Variants in PRR16 observed in about 807,000 individuals in gnomAD.
PRR16 encodes proline rich 16.
Under a neutral mutation model 18.2 loss-of-function variants are expected in PRR16, and 6 were observed. That is an observed-to-expected ratio of 0.33 (90% CI 0.18 to 0.65). The LOEUF is 0.65. PRR16 is among the 30% of genes least tolerant of loss of function. The pLI is 0.74. For missense variants in PRR16, 412 were observed against 376.6 expected (o/e 1.09, Z -0.78); for synonymous variants, 151 against 147.8 (o/e 1.02, Z -0.16).
At chr5:120,528,488 G>A (rs58916672) in intron 1 of PRR16, among the ~76,000 whole-genome samples, 60,782 of 152,016 alleles carry the variant, frequency 0.4, 13,841 homozygotes, top group African/African-American at 0.62. Context: ...CAGGGAGGCT[G>A]TGGAAAAGGA....
chr5:120,549,119 T>G (rs890284589), intron 1 of PRR16, among the ~76,000 whole-genome samples: 3 of 152,012 alleles, frequency 2.0e-5, no homozygotes, highest in African/African-American at 7.2e-5. Flanking sequence ...ATTGATTGAT[T>G]GATTGAGAGA....
At chr5:120,665,365 T>A in intron 1 of PRR16, among the ~76,000 whole-genome samples, 1 of 152,024 alleles carries the variant, frequency 6.6e-6, no homozygotes, top group East Asian at 1.9e-4. Context: ...TAGCCCTTTG[T>A]CAGATGAGTA....
chr5:120,762,920 T>C, the PRR16 span, among the ~76,000 whole-genome samples: 1 of 152,164 alleles, frequency 6.6e-6, no homozygotes, highest in Non-Finnish European at 1.5e-5. Flanking sequence ...GGTTTAAGTC[T>C]TTCATTCACT....
intron 1 of PRR16, among the ~76,000 whole-genome samples, chr5:120,544,933 C>G (rs1365828294): frequency 6.6e-6 from 1 of 152,104 alleles, no homozygotes; most frequent in African/African-American, 2.4e-5. Flanking sequence ...TCTGAAATAT[C>G]TCACAAGTGA....
intron 1 of PRR16, among the ~76,000 whole-genome samples, chr5:120,487,004 A>G (rs1338766520): frequency 6.6e-5 from 10 of 152,098 alleles, no homozygotes; most frequent in Admixed American, 3.3e-4. Flanking sequence ...CCATTGGTCT[A>G]TATCTCTGTT....
the PRR16 span, among the ~76,000 whole-genome samples, chr5:120,719,704 A>G: frequency 6.6e-6 from 1 of 152,112 alleles, no homozygotes; most frequent in South Asian, 2.1e-4. Flanking sequence ...AAAAACTTTA[A>G]TTTAAATTTT....
chr5:120,639,637 A>AT (rs750551920), intron 1 of PRR16, among the ~76,000 whole-genome samples: 2 of 152,090 alleles, frequency 1.3e-5, no homozygotes, highest in African/African-American at 2.4e-5. Flanking sequence ...AGGTCAGAAA[A>AT]TAACAGGTGT....
rs192292549 is a variant in PRR16, at chr5:120,484,137, G to T, written c.159+19492G>T. On this transcript the variant is annotated intron_variant, in intron 1 of 1. Coordinates refer to ENST00000407149, the MANE Select transcript of PRR16 (RefSeq NM_001300783.2). ...TAACTAACAATATTGTTTAATAGAA[G>T]AAAATATTCCTATTTCTTAACTACT... Among the ~76,000 whole-genome samples the T allele has an allele frequency of 1.1e-4, 16 of 151,650 alleles. No individual in the cohort carries two copies. In the Admixed American group the frequency reaches 1.1e-3, roughly 10 times the overall value.
At chr5:120,657,227 C>T (rs1229682578) in intron 1 of PRR16, among the ~76,000 whole-genome samples, 1 of 151,922 alleles carries the variant, frequency 6.6e-6, no homozygotes, top group Non-Finnish European at 1.5e-5. Context: ...ATTAGCATGC[C>T]TCTTGCCAGC....
At chr5:120,715,184 T>C in the PRR16 span, among the ~76,000 whole-genome samples, 1 of 152,184 alleles carries the variant, frequency 6.6e-6, no homozygotes, top group Non-Finnish European at 1.5e-5. Flanking sequence ...TAGGAGTCTA[T>C]AGTTTTCTGT....
intron 1 of PRR16, among the ~76,000 whole-genome samples, chr5:120,521,715 A>G (rs1399687853): frequency 6.6e-6 from 1 of 151,968 alleles, no homozygotes; most frequent in African/African-American, 2.4e-5. Flanking sequence ...GTATGTGTGC[A>G]CAACATGCAG....
rs142447312 is a variant in PRR16 at position 120,681,206 on chromosome 5, C to A, written c.160-4748C>A. Among the ~76,000 whole-genome samples the A allele has an allele frequency of 7.9e-5, 12 of 152,128 alleles. No individual in the cohort carries two copies. In the East Asian group the frequency reaches 2.3e-3, roughly 29 times the overall value. On this transcript the variant is annotated intron_variant, in intron 1 of 1. Transcript: ENST00000407149. ...TTTCATTTACGATGCTTTTCGTTGT[C>A]ATTTTTTAAGATTTCTTATTTTCTG...
intron 1 of PRR16, among the ~76,000 whole-genome samples, chr5:120,550,134 C>A (rs1752206036): frequency 6.6e-6 from 1 of 151,838 alleles, no homozygotes; most frequent in African/African-American, 2.4e-5. Context: ...ACAGGAAGTC[C>A]CATAGCATTT....
At chr5:120,492,753 C>T (rs774917827) in intron 1 of PRR16, among the ~76,000 whole-genome samples, 3 of 152,108 alleles carry the variant, frequency 2.0e-5, no homozygotes, top group South Asian at 2.1e-4. Context: ...TTATATCACT[C>T]TATATGTTTT....
chr5:120,563,208 A>G (rs1752629658), intron 1 of PRR16, among the ~76,000 whole-genome samples: 1 of 152,174 alleles, frequency 6.6e-6, no homozygotes, highest in Admixed American at 6.6e-5. Context: ...CCAGAAGAGC[A>G]CTGGGTCTCA....
At chr5:120,643,859 G>A (rs1482128262) in intron 1 of PRR16, among the ~76,000 whole-genome samples, 3 of 152,000 alleles carry the variant, frequency 2.0e-5, no homozygotes, top group South Asian at 4.1e-4. Flanking sequence ...ATAAAAATTA[G>A]CCCGGCATGG....
intron 1 of PRR16, among the ~76,000 whole-genome samples, chr5:120,536,493 T>C (rs1485680915): frequency 1.3e-5 from 2 of 152,212 alleles, no homozygotes; most frequent in African/African-American, 4.8e-5. Context: ...AGATGAAATG[T>C]CCAAAAATGT....
At chr5:120,701,635 T>C in the PRR16 span, among the ~76,000 whole-genome samples, 1 of 141,500 alleles carries the variant, frequency 7.1e-6, no homozygotes, top group Non-Finnish European at 1.6e-5. Context: ...TAGCTCGGCC[T>C]GGCAAGGAGC....
chr5:120,754,611 AT>A, the PRR16 span, among the ~76,000 whole-genome samples: 18 of 69,978 alleles, frequency 2.6e-4, no homozygotes, highest in Non-Finnish European at 3.8e-4. Context: ...ATCGTTATAT[AT>A]TATTATATAT....
Sources: gnomAD v4.1 joint callset for allele counts (sites outside exome capture counted in the v4.1 genomes callset) on GRCh38, gnomAD v4.1.1 for gene constraint, MANE v1.5 for transcripts, NCBI Gene and HGNC (gene_info 2026-07-23, HGNC 2026-07-21) for gene names.